Variants in RORA observed in about 807,000 individuals in gnomAD.
The protein encoded by RORA is nuclear receptor ROR-alpha.
A neutral mutation model predicts 69.5 loss-of-function variants in RORA; 7 were observed. That is an observed-to-expected ratio of 0.10 (90% confidence interval 0.06 to 0.19). The LOEUF is 0.19. Ranked by LOEUF, RORA falls within the 10% of genes least tolerant of loss-of-function variation. The pLI is 1.00. For synonymous variants in RORA, 261 were observed against 240.8 expected, an observed-to-expected ratio of 1.08 and a Z score of -0.78; for missense variants, 457 against 663.0, an observed-to-expected ratio of 0.69 and a Z score of 3.41.
At chr15:60,850,222 T>A (rs1031972655) in intron 1 of RORA, among the ~76,000 whole-genome samples, 2 of 152,060 alleles carry the variant, frequency 1.3e-5, no homozygotes, top group East Asian at 3.9e-4. Flanking sequence ...AACATGCAGC[T>A]CCTCCAGCCC....
intron 1 of RORA, among the ~76,000 whole-genome samples, chr15:60,860,445 G>A (rs1451460035): frequency 6.6e-6 from 1 of 152,208 alleles, no homozygotes; most frequent in African/African-American, 2.4e-5. Flanking sequence ...AACCTTCTGA[G>A]AATGAAGTGT....
intron 1 of RORA, among the ~76,000 whole-genome samples, chr15:60,774,369 A>G (rs1370851761): frequency 6.6e-6 from 1 of 152,180 alleles, no homozygotes; most frequent in Admixed American, 6.5e-5. Flanking sequence ...AAGAGCCAAC[A>G]ATGGAAATGG....
At chr15:60,763,133 T>C (rs536492195) in intron 1 of RORA, among the ~76,000 whole-genome samples, 1 of 130,856 alleles carries the variant, frequency 7.6e-6, no homozygotes, top group East Asian at 2.5e-4. Context: ...CTGCAGATGG[T>C]GAAAACTGAG....
chr15:60,576,609 G>A (rs1319302798), intron 2 of RORA, among the ~76,000 whole-genome samples: 1 of 152,224 alleles, frequency 6.6e-6, no homozygotes, highest in Non-Finnish European at 1.5e-5. Flanking sequence ...TTAGTGTAAT[G>A]GAACTGATTC....
chr15:60,543,145 T>C (rs1467019327), intron 2 of RORA, among the ~76,000 whole-genome samples: 2 of 137,670 alleles, frequency 1.5e-5, no homozygotes, highest in Admixed American at 7.5e-5. Context: ...CTTCACTGCA[T>C]AGGAATTAAG....
In RORA at chr15:61,222,688, G is replaced by A. The variant is rs146671641; in HGVS notation, c.166+6365C>T. Among the ~76,000 whole-genome samples the A allele has an allele frequency of 3.2e-3, 489 of 152,276 alleles. 5 individuals carry two copies. Among genetic ancestry groups the A allele is most frequent in the African/African-American group, 0.011 (461 of 41,550 alleles). ...CAGACTATATCATTAAGTCAAGTGG[G>A]ACATCCCTGAGAAAGTCAGCTTCTG... On this transcript the variant is annotated intron_variant, in intron 1 of 10. Coordinates refer to ENST00000335670, the MANE Select transcript of RORA (RefSeq NM_134261.3).
At chr15:61,198,421 A>G (rs533328594) in intron 1 of RORA, among the ~76,000 whole-genome samples, 1 of 152,242 alleles carries the variant, frequency 6.6e-6, no homozygotes, top group South Asian at 2.1e-4. Context: ...TGCATTTGCT[A>G]AACATTCTCA....
chr15:60,588,863 C>A (rs1471565132), intron 2 of RORA, among the ~76,000 whole-genome samples: 1 of 152,150 alleles, frequency 6.6e-6, no homozygotes, highest in Non-Finnish European at 1.5e-5. Context: ...TGCTTTGTAT[C>A]TCAAGTAACG....
intron 1 of RORA, among the ~76,000 whole-genome samples, chr15:60,930,197 T>C (rs1208501153): frequency 6.6e-6 from 1 of 152,150 alleles, no homozygotes; most frequent in African/African-American, 2.4e-5. Context: ...GCATAGTAGA[T>C]ACAGACGAAA....
chr15:60,726,703 G>C (rs1171708141), intron 1 of RORA, among the ~76,000 whole-genome samples: 1 of 152,154 alleles, frequency 6.6e-6, no homozygotes, highest in Non-Finnish European at 1.5e-5. Context: ...GGGCGGGTGG[G>C]TATGCGGGGA....
intron 1 of RORA, among the ~76,000 whole-genome samples, chr15:60,769,218 T>C (rs2072035405): frequency 6.6e-6 from 1 of 152,198 alleles, no homozygotes; most frequent in Admixed American, 6.5e-5. Flanking sequence ...AAAAATAATC[T>C]TTAATTGAGT....
rs983435219 is a variant in RORA at position 60,492,671 on chromosome 15, G to C, written c.*4784C>G. On this transcript the variant is annotated 3_prime_UTR_variant, in exon 11 of 11. Transcript: ENST00000335670. ...TTTATCATGAATATTTTAATTATTAGAGAAATGGTAACTGGAATATGCAAG... is the reference window on the plus strand; with the variant it reads ...TTTATCATGAATATTTTAATTATTACAGAAATGGTAACTGGAATATGCAAG... 1 of 151,990 alleles carries C rather than the reference G, an allele frequency of 6.6e-6. No individual in the cohort carries two copies. Among genetic ancestry groups the C allele is most frequent in the Non-Finnish European group, 1.5e-5 (1 of 67,994 alleles). The allele number at this position is 151,990 out of a possible 1,614,324, so 9.4% of individuals were successfully genotyped here.
intron 1 of RORA, among the ~76,000 whole-genome samples, chr15:61,084,645 C>G (rs2078596028): frequency 6.6e-6 from 1 of 152,162 alleles, no homozygotes; most frequent in Non-Finnish European, 1.5e-5. Flanking sequence ...TTCTCAGTAA[C>G]AGATGCCTGG....
intron 1 of RORA, among the ~76,000 whole-genome samples, chr15:61,157,381 A>C (rs2079454054): frequency 6.6e-6 from 1 of 152,242 alleles, no homozygotes; most frequent in Admixed American, 6.5e-5. Context: ...GTTTCAGCTA[A>C]ACATAAAATG....
chr15:60,712,703 C>T (rs912439763), intron 1 of RORA, among the ~76,000 whole-genome samples: 1 of 152,198 alleles, frequency 6.6e-6, no homozygotes, highest in Admixed American at 6.5e-5. Context: ...AGACTCAACA[C>T]AGTCCTACTG....
Position 61,003,850 on chromosome 15 carries a change from T to G in RORA, c.166+225203A>C, listed in dbSNP as rs1007660185. 1.1e-4 allele frequency among the ~76,000 whole-genome samples: 17 copies of G among 152,164 alleles called. 1 individual carries two copies. The highest frequency in any genetic ancestry group is 1.1e-3 in the Admixed American group (17 of 15,286). ...CCGTAGCTAACAAGGCCTTGTGCTTTTCCTGGTGGGAAGCAGATGGGAAGG... is the reference window on the plus strand; with the variant it reads ...CCGTAGCTAACAAGGCCTTGTGCTTGTCCTGGTGGGAAGCAGATGGGAAGG... On this transcript the variant is annotated intron_variant, in intron 1 of 10. Transcript: ENST00000335670.
At chr15:60,694,885 A>C (rs1212635147) in intron 1 of RORA, among the ~76,000 whole-genome samples, 1 of 152,200 alleles carries the variant, frequency 6.6e-6, no homozygotes, top group African/African-American at 2.4e-5. Context: ...GGCCAGAAAG[A>C]AGCTTGAAAT....
intron 1 of RORA, among the ~76,000 whole-genome samples, chr15:60,797,644 A>T (rs548871900): frequency 1.3e-5 from 2 of 152,324 alleles, no homozygotes; most frequent in South Asian, 4.1e-4. Context: ...TCTGCTTATG[A>T]GATATTAACT....
intron 2 of RORA, chr15:60,592,781 C>A (rs1209702637): frequency 1.3e-6 from 1 of 753,912 alleles, no homozygotes; most frequent in Middle Eastern, 5.0e-4. Flanking sequence ...GCCCGGGCGC[C>A]CGCCTTCCCC....
Sources: gnomAD v4.1 joint callset for allele counts (sites outside exome capture counted in the v4.1 genomes callset) on GRCh38, gnomAD v4.1.1 for gene constraint, MANE v1.5 for transcripts, NCBI Gene and HGNC (gene_info 2026-07-23, HGNC 2026-07-21) for gene names.